HHAT: variants seen among roughly 807,000 people sequenced by gnomAD.
HHAT encodes protein-cysteine N-palmitoyltransferase HHAT.
A neutral mutation model predicts 70.8 loss-of-function variants in HHAT; 47 were observed. The ratio of observed to expected loss-of-function variants is 0.66; its 90% CI spans 0.53 to 0.85. The LOEUF (loss-of-function observed/expected upper bound fraction) is 0.85. HHAT is among the 40% of genes least tolerant of loss of function. HHAT has a pLI of 0.00. For missense variants in HHAT, 609 were observed against 604.8 expected (o/e 1.01, Z -0.07); for synonymous variants, 228 against 247.6 (o/e 0.92, Z 0.74).
At chr1:210,488,185 A>G (rs1004884854) in intron 8 of HHAT, among the ~76,000 whole-genome samples, 3 of 152,178 alleles carry the variant, frequency 2.0e-5, no homozygotes, top group Non-Finnish European at 2.9e-5. Flanking sequence ...ACACAGAAGG[A>G]AAATCTATAA....
chr1:210,489,999 G>A (rs1204967124), intron 8 of HHAT, among the ~76,000 whole-genome samples: 1 of 152,182 alleles, frequency 6.6e-6, no homozygotes, highest in African/African-American at 2.4e-5. Context: ...GCTATTAACT[G>A]CTGAGATATA....
intron 9 of HHAT, among the ~76,000 whole-genome samples, chr1:210,540,950 C>G (rs1261969797): frequency 1.3e-5 from 2 of 152,028 alleles, no homozygotes; most frequent in Non-Finnish European, 2.9e-5. Context: ...AAGAAATTAT[C>G]CTGCCTCAGC....
chr1:210,362,504 C>T (rs546817638), intron 2 of HHAT, among the ~76,000 whole-genome samples: 3 of 152,366 alleles, frequency 2.0e-5, no homozygotes, highest in South Asian at 4.1e-4. Flanking sequence ...GGATTACAGG[C>T]GTGAGCCACC....
intron 3 of HHAT, among the ~76,000 whole-genome samples, chr1:210,375,336 T>G (rs959362998): frequency 6.6e-6 from 1 of 152,216 alleles, no homozygotes; most frequent in Admixed American, 6.5e-5. Flanking sequence ...ATCTTATTGG[T>G]GAGAAGATAT....
chr1:210,356,609 T>C (rs577060285), intron 2 of HHAT, among the ~76,000 whole-genome samples: 1 of 152,356 alleles, frequency 6.6e-6, no homozygotes, highest in African/African-American at 2.4e-5. Flanking sequence ...TTTGTTTATT[T>C]CTTTATAAAC....
At chr1:210,444,680 C>G (rs2093598597) in intron 7 of HHAT, among the ~76,000 whole-genome samples, 1 of 152,142 alleles carries the variant, frequency 6.6e-6, no homozygotes, top group South Asian at 2.1e-4. Flanking sequence ...TTTCTGCACA[C>G]ACACACATTT....
intron 11 of HHAT, among the ~76,000 whole-genome samples, chr1:210,667,438 C>T (rs1263166134): frequency 6.6e-6 from 1 of 152,046 alleles, no homozygotes; most frequent in Non-Finnish European, 1.5e-5. Flanking sequence ...TTTGTCTGAA[C>T]ACCCTGAGGC....
chr1:210,630,636 C>G (rs1224042623), intron 11 of HHAT, among the ~76,000 whole-genome samples: 3 of 152,202 alleles, frequency 2.0e-5, no homozygotes, highest in Non-Finnish European at 4.4e-5. Flanking sequence ...GAACAGATCT[C>G]TCCCACCCGC....
At chr1:210,566,042 G>T (rs1273678527) in intron 9 of HHAT, among the ~76,000 whole-genome samples, 2 of 152,128 alleles carry the variant, frequency 1.3e-5, no homozygotes, top group African/African-American at 4.8e-5. Flanking sequence ...GAGTAGAAAT[G>T]CACTGAACTT....
At chr1:210,425,124 C>T (rs1408929117) in intron 7 of HHAT, among the ~76,000 whole-genome samples, 2 of 152,194 alleles carry the variant, frequency 1.3e-5, no homozygotes, top group East Asian at 3.9e-4. Flanking sequence ...TTTTTCCCCA[C>T]ATGATTCTTG....
At chr1:210,598,055 C>G (rs151117755) in intron 10 of HHAT, among the ~76,000 whole-genome samples, 26 of 151,904 alleles carry the variant, frequency 1.7e-4, no homozygotes, top group African/African-American at 6.0e-4. Flanking sequence ...TTTATTTTGT[C>G]AGGACTGCAT....
intron 11 of HHAT, among the ~76,000 whole-genome samples, chr1:210,644,264 A>G (rs771580817): frequency 2.6e-5 from 4 of 152,218 alleles, no homozygotes; most frequent in Non-Finnish European, 5.9e-5. Flanking sequence ...TATAATCCAA[A>G]GAAATAGTAA....
intron 1 of HHAT, among the ~76,000 whole-genome samples, chr1:210,330,672 A>G (rs2084907892): frequency 6.6e-6 from 1 of 152,182 alleles, no homozygotes; most frequent in Non-Finnish European, 1.5e-5. Context: ...CCCTGCTTCC[A>G]GCTTAGGACC....
intron 9 of HHAT, among the ~76,000 whole-genome samples, chr1:210,582,357 G>A (rs1246561844): frequency 6.6e-6 from 1 of 152,150 alleles, no homozygotes; most frequent in Non-Finnish European, 1.5e-5. Flanking sequence ...ATGGGTAAGT[G>A]ATTACAGGAA....
intron 7 of HHAT, among the ~76,000 whole-genome samples, chr1:210,425,719 T>C (rs2093042927): frequency 6.6e-6 from 1 of 152,196 alleles, no homozygotes; most frequent in Non-Finnish European, 1.5e-5. Flanking sequence ...TCTGTATCAG[T>C]ATCATGCTGT....
chr1:210,653,630 C>T (rs1675659783), intron 11 of HHAT, among the ~76,000 whole-genome samples: 1 of 151,982 alleles, frequency 6.6e-6, no homozygotes, highest in African/African-American at 2.4e-5. Flanking sequence ...CAGGAGATGC[C>T]TATAGGGGGA....
chr1:210,629,769 A>G (rs1670499248), intron 11 of HHAT, among the ~76,000 whole-genome samples: 1 of 150,946 alleles, frequency 6.6e-6, no homozygotes, highest in African/African-American at 2.4e-5. Flanking sequence ...ATGTTTCTTC[A>G]TCTCTCTGCT....
At chr1:210,375,852 G>A (rs1374057929) in intron 3 of HHAT, among the ~76,000 whole-genome samples, 4 of 135,706 alleles carry the variant, frequency 2.9e-5, no homozygotes, top group Non-Finnish European at 4.6e-5. Flanking sequence ...CCTATCCTTA[G>A]GTTCAATAAT....
chr1:210,391,941 C>T (rs2091486400), intron 4 of HHAT, among the ~76,000 whole-genome samples: 1 of 152,098 alleles, frequency 6.6e-6, no homozygotes, highest in South Asian at 2.1e-4. Flanking sequence ...GTAATCATGG[C>T]TCACTGTAAC....
Sources: allele counts gnomAD v4.1 joint callset (sites outside exome capture counted in the v4.1 genomes callset), GRCh38; gene constraint gnomAD v4.1.1; transcripts MANE v1.5; gene names NCBI Gene and HGNC (gene_info 2026-07-23, HGNC 2026-07-21).